ABCC8: variants seen among roughly 807,000 people sequenced by gnomAD.
ABCC8 encodes the protein ATP-binding cassette sub-family C member 8.
Under a neutral mutation model 188.0 loss-of-function variants are expected in ABCC8, and 137 were observed. The ratio of observed to expected loss-of-function variants is 0.73; its 90% CI spans 0.63 to 0.84. ABCC8 has a LOEUF of 0.84. ABCC8 is among the 40% of genes least tolerant of loss of function. The pLI, the probability that ABCC8 is intolerant of heterozygous loss-of-function variation, is 0.00. For synonymous variants in ABCC8, 797 were observed against 846.5 expected (o/e 0.94, Z 1.01); for missense variants, 1,750 against 2,072.7 (o/e 0.84, Z 3.02).
chr11:17,435,882 C>T, intron 10 of ABCC8: 2 of 1,302,856 alleles, frequency 1.5e-6, no homozygotes. Context: ...TCACGCATTC[C>T]AAATAAGACT....
chr11:17,469,239 G>A (rs952185757), intron 3 of ABCC8, among the ~76,000 whole-genome samples: 11 of 151,986 alleles, frequency 7.2e-5, no homozygotes, highest in African/African-American at 2.2e-4. Context: ...CCACCGATGC[G>A]TGCCACCATG....
At position 17,476,689 on chromosome 11, in the gene ABCC8, C is replaced by T. The variant is rs1474215749; in HGVS notation, c.88G>A (p.Ala30Thr). ...GVLNNGCFVD[A>T]LNVVPHVFLL... ...AAGACGTGCGGCACCACGTTGAGCGCGTCCACAAAGCAGCCGTTGTTGAGG... is the reference window on the plus strand; with the variant it reads ...AAGACGTGCGGCACCACGTTGAGCGTGTCCACAAAGCAGCCGTTGTTGAGG... Residue 30 changes from alanine (A) to threonine (T), a missense_variant, in exon 1 of 39, where the codon GCG becomes ACG. Transcript: ENST00000389817. 12 of 1,611,616 alleles carry T rather than the reference C, an allele frequency of 7.4e-6. No homozygotes were observed. The highest frequency in any genetic ancestry group is 1.3e-5 in the African/African-American group (1 of 74,816).
rs375367097 is a variant in ABCC8 at position 17,396,854 on chromosome 11, G to A, written c.4119+62C>T. On this transcript the variant is annotated intron_variant, in intron 33 of 38. Coordinates refer to ENST00000389817, the MANE Select transcript of ABCC8 (RefSeq NM_000352.6). The stretch of plus-strand genomic sequence containing the variant: ...GGTGACTGCGAAGCCATCCAGCTCC[G>A]TGCATGCCCCATCCCCTGCTCACGC... 213 of 1,598,394 alleles carry A rather than the reference G, an allele frequency of 1.3e-4. No homozygotes were observed. The African/African-American group carries it at 1.9e-3, about 14-fold the overall frequency.
chr11:17,392,904 T>C lies in ABCC8; in HGVS notation c.*87A>G, dbSNP rs1006438490. The C allele has an allele frequency of 4.1e-6, 6 of 1,476,340 alleles. No individual in the cohort carries two copies. In the African/African-American group the frequency reaches 6.9e-5, roughly 17 times the overall value. 91.5% of individuals were successfully genotyped at this position (1,476,340 alleles called of 1,614,324 possible). On this transcript the variant is annotated 3_prime_UTR_variant, in exon 39 of 39. Transcript: ENST00000389817. Reference sequence around the variant, plus strand: ...CTCTAGTAGGAAATAATCAAATCTATTTATTTACAAGTGATTTACAGTTAG... The same window carrying C: ...CTCTAGTAGGAAATAATCAAATCTACTTATTTACAAGTGATTTACAGTTAG...
At position 17,430,974 on chromosome 11, in the gene ABCC8, A is replaced by G. The variant is rs1053581978; in HGVS notation, c.1672-15T>C. Reference sequence around the variant, plus strand: ...CCCACGAAAGTCTGTGGACAGAGGCACAAGTGAGGCCAGGGTGGCCCAGGG... The same window carrying G: ...CCCACGAAAGTCTGTGGACAGAGGCGCAAGTGAGGCCAGGGTGGCCCAGGG... On this transcript the variant is annotated splice_polypyrimidine_tract_variant and intron_variant, in intron 11 of 38. Transcript: ENST00000389817. 3 of 1,613,534 alleles carry G rather than the reference A, an allele frequency of 1.9e-6. No homozygotes were observed. In the Admixed American group the frequency reaches 5.0e-5, roughly 27 times the overall value.
chr11:17,453,019 C>T, intron 7 of ABCC8, 100 bp downstream of exon 7: 1 of 1,138,368 alleles, frequency 8.8e-7, no homozygotes. Flanking sequence ...AAATTTACAG[C>T]AGAATTATTC....
intron 7 of ABCC8, 28 bp downstream of exon 7, chr11:17,453,091 C>T (rs761069814): frequency 1.9e-6 from 3 of 1,580,070 alleles, no homozygotes; most frequent in Non-Finnish European, 1.7e-6. Flanking sequence ...GTTCTTATGG[C>T]AAAGTGAAAA....
chr11:17,447,603 G>A (rs762862559), intron 8 of ABCC8, among the ~76,000 whole-genome samples: 2 of 151,928 alleles, frequency 1.3e-5, no homozygotes, highest in African/African-American at 2.4e-5. Flanking sequence ...AAAACACCAG[G>A]TTTTGTTTGT....
At chr11:17,396,166 G>A in intron 33 of ABCC8, 1 of 994,202 alleles carries the variant, frequency 1.0e-6, no homozygotes, top group Non-Finnish European at 1.4e-6. Context: ...CCATTTGCCT[G>A]GGCCTTGGTG....
chr11:17,452,163 C>G (rs1235695826), intron 7 of ABCC8, among the ~76,000 whole-genome samples: 2 of 152,202 alleles, frequency 1.3e-5, no homozygotes, highest in East Asian at 3.9e-4. Context: ...GACCCTGGGA[C>G]TTGGACAACT....
chr11:17,410,444 G>A (rs541021360), intron 22 of ABCC8, 72 bp downstream of exon 22: 12 of 1,529,928 alleles, frequency 7.8e-6, no homozygotes, highest in Middle Eastern at 1.9e-4. Flanking sequence ...ACAACGGATT[G>A]GTTCCTGCCA....
chr11:17,422,668 G>C (rs1955399349), intron 16 of ABCC8, among the ~76,000 whole-genome samples: 1 of 152,044 alleles, frequency 6.6e-6, no homozygotes, highest in South Asian at 2.1e-4. Context: ...CCTTCCTACA[G>C]TCTGTCTGTC....
rs1189963885 is a variant in ABCC8 at position 17,396,093 on chromosome 11, T to C, written c.4120-163A>G. 2.1e-6 allele frequency: 3 copies of C among 1,458,564 alleles called. No individual in the cohort carries two copies. The East Asian group carries it at 7.5e-5, about 36-fold the overall frequency. The allele number at this position is 1,458,564 out of a possible 1,614,324, so 90.4% of individuals were successfully genotyped here. A position where few individuals can be genotyped will look rare whatever the true frequency, so the allele number is the denominator to read the frequency against. ...TTGGACACCACAGGTTTGGGCTTGT[T>C]TCCTGCAGTGGGTCCAGAGAGGGCT... On this transcript the variant is annotated intron_variant, in intron 33 of 38. Coordinates refer to ENST00000389817, the MANE Select transcript of ABCC8 (RefSeq NM_000352.6).
chr11:17,461,536 T>C (rs369909824), intron 5 of ABCC8, 47 bp downstream of exon 5: 137 of 1,612,688 alleles, frequency 8.5e-5, no homozygotes, highest in Middle Eastern at 1.7e-4. Flanking sequence ...TCTGTGACCC[T>C]AAACCAGAAG....
At chr11:17,413,567 C>T (rs1182319298) in intron 19 of ABCC8, 89 bp from the exon 20 acceptor site, 2 of 1,611,230 alleles carry the variant, frequency 1.2e-6, no homozygotes, top group African/African-American at 2.7e-5. Flanking sequence ...CTCTGGGTAG[C>T]TATGCCCAGG....
intron 29 of ABCC8, 135 bp downstream of exon 29, chr11:17,402,526 T>G: frequency 6.4e-7 from 1 of 1,555,746 alleles, no homozygotes; most frequent in Non-Finnish European, 8.7e-7. Context: ...CCTTGGGCCT[T>G]GGGACCTGAG....
At chr11:17,452,930 C>A (rs1956865886) in intron 7 of ABCC8, among the ~76,000 whole-genome samples, 189 bp downstream of exon 7, 1 of 152,172 alleles carries the variant, frequency 6.6e-6, no homozygotes, top group African/African-American at 2.4e-5. Context: ...CCAAGTTCAG[C>A]CCAAGATATT....
Position 17,427,768 on chromosome 11 carries a change from G to T in ABCC8, c.2116+99C>A, listed in dbSNP as rs1955648693. 6.9e-7 allele frequency: 1 copy of T among 1,450,468 alleles called. No individual in the cohort carries two copies. The highest frequency in any genetic ancestry group is 9.4e-7 in the Non-Finnish European group (1 of 1,059,908). The allele number at this position is 1,450,468 out of a possible 1,614,324, so 89.8% of individuals were successfully genotyped here. A position where few individuals can be genotyped will look rare whatever the true frequency, so the allele number is the denominator to read the frequency against. ...CCAGGGCATACACCAAGAATGAGCA[G>T]AGAGTAGGTGCTCAATAAATGCAGC... On this transcript the variant is annotated intron_variant, in intron 15 of 38. Coordinates refer to ENST00000389817, the MANE Select transcript of ABCC8 (RefSeq NM_000352.6). This position sits in a 1 kb window ranked among gnomAD's most constrained non-coding sequence, Gnocchi z 5.0.
At position 17,407,012 on chromosome 11, in the gene ABCC8, G is replaced by A. The variant is rs72559720; in HGVS notation, c.3038C>T (p.Ser1013Leu). The stretch of plus-strand genomic sequence containing the variant: ...GAGCAGCTGTGAGAAGACCAGCAAC[G>A]ACAGGAGCAGGATGCCGGCGGAGGA... The part of the protein sequence containing the change: ...YLSSAGILLL[S>L]LLVFSQLLKH... The change falls in exon 25 of 39, where the codon TCG becomes TTG. Residue 1013 changes from serine (S) to leucine (L), a missense_variant. Transcript: ENST00000389817. The A allele has an allele frequency of 3.7e-6, 6 of 1,614,066 alleles. No homozygotes were observed. The highest frequency in any genetic ancestry group is 2.7e-5 in the African/African-American group (2 of 74,936).
Sources: gnomAD v4.1 joint callset for allele counts (sites outside exome capture counted in the v4.1 genomes callset) on GRCh38, gnomAD v4.1.1 for gene constraint, Gnocchi (gnomAD v3.1) non-coding constraint, MANE v1.5 for transcripts, NCBI Gene and HGNC (gene_info 2026-07-23, HGNC 2026-07-21) for gene names.